The following GXYLT1 variants were observed in gnomAD, a reference collection of about 807,000 sequenced individuals.
GXYLT1 encodes glucoside xylosyltransferase 1.
Under a neutral mutation model 54.0 loss-of-function variants are expected in GXYLT1, and 29 were observed. The observed-to-expected ratio is 0.54, with a 90% CI of 0.40 to 0.73. GXYLT1 has a LOEUF of 0.73. GXYLT1 is among the 30% of genes least tolerant of loss of function. The pLI, the probability that GXYLT1 is intolerant of heterozygous loss-of-function variation, is 0.00. For missense variants in GXYLT1, 490 were observed against 553.4 expected, an observed-to-expected ratio of 0.89 and a Z score of 1.15; for synonymous variants, 176 against 204.1, an observed-to-expected ratio of 0.86 and a Z score of 1.17.
rs2065266012 is a variant in GXYLT1, at chr12:42,083,558, A to C, written c.*4228T>G. The C allele has an allele frequency of 6.6e-6, 1 of 152,262 alleles. No homozygotes were observed. The allele number at this position is 152,262 out of a possible 1,614,324, so 9.4% of individuals were successfully genotyped here. On this transcript the variant is annotated 3_prime_UTR_variant, in exon 8 of 8. Transcript: ENST00000398675. ...TCAGTGGTCTTTCTAAAAACATCTC[A>C]AAGAGGTTCTGACTACTACTAAGGT...
At chr12:42,096,802 A>G (rs769220545) in intron 7 of GXYLT1, among the ~76,000 whole-genome samples, 1 of 152,160 alleles carries the variant, frequency 6.6e-6, no homozygotes, top group African/African-American at 2.4e-5. Flanking sequence ...AAAATAAATG[A>G]CATTTTGACT....
At position 42,144,631 on chromosome 12, in the gene GXYLT1, G is replaced by A. The variant is rs779615789; in HGVS notation, c.16C>T (p.Arg6Cys). 4 of 1,464,698 alleles carry A rather than the reference G, an allele frequency of 2.7e-6. No homozygotes were observed. Among genetic ancestry groups the A allele is most frequent in the African/African-American group, 1.5e-5 (1 of 68,736 alleles). The allele number at this position is 1,464,698 out of a possible 1,614,324, so 90.7% of individuals were successfully genotyped here. The change falls in exon 1 of 8, where the codon CGC becomes TGC. Residue 6 changes from arginine (R) to cysteine (C), a missense_variant. By Grantham distance (180) the Arg-to-Cys change is radical. This residue lies in a region of GXYLT1 where 148 missense variants were observed against 210.7 expected (regional missense o/e 0.70). Transcript: ENST00000398675. The stretch of plus-strand genomic sequence containing the variant: ...CAGGCCACACACAGCACCACGACGC[G>A]CAGGTAGCGCCGCATCGCCCCGGCC... MRRYL[R>C]VVVLCVACGF...
chr12:42,113,885 C>T (rs560214326), intron 3 of GXYLT1, among the ~76,000 whole-genome samples: 14 of 151,336 alleles, frequency 9.3e-5, no homozygotes, highest in Middle Eastern at 3.4e-3. Flanking sequence ...GGAAGTAAAG[C>T]ATTCCTCAGC....
At chr12:42,140,519 A>C (rs1450754366) in intron 1 of GXYLT1, among the ~76,000 whole-genome samples, 1 of 152,194 alleles carries the variant, frequency 6.6e-6, no homozygotes, top group Admixed American at 6.5e-5. Context: ...AATTCTCACA[A>C]ACAATATCAT....
chr12:42,114,835 A>T (rs2065482978), intron 3 of GXYLT1, among the ~76,000 whole-genome samples: 1 of 152,160 alleles, frequency 6.6e-6, no homozygotes, highest in Non-Finnish European at 1.5e-5. Flanking sequence ...CAAAAAAGAG[A>T]ATTTTAGACC....
At chr12:42,091,686 T>G (rs1312387589) in intron 7 of GXYLT1, among the ~76,000 whole-genome samples, 1 of 152,250 alleles carries the variant, frequency 6.6e-6, no homozygotes, top group Non-Finnish European at 1.5e-5. Context: ...AAGCTGTATC[T>G]GTCAAGTTTA....
chr12:42,116,672 T>G (rs1189015817), intron 3 of GXYLT1, among the ~76,000 whole-genome samples: 1 of 152,236 alleles, frequency 6.6e-6, no homozygotes, highest in East Asian at 1.9e-4. Context: ...ACTTTGACAC[T>G]GTTGGTGGGA....
chr12:42,141,398 T>C (rs991538774), intron 1 of GXYLT1, among the ~76,000 whole-genome samples: 1 of 152,232 alleles, frequency 6.6e-6, no homozygotes, highest in East Asian at 1.9e-4. Context: ...TTGCTTGAGA[T>C]AGTTTTACTG....
At chr12:42,119,280 C>T in intron 2 of GXYLT1, 109 bp from the exon 3 acceptor site, 1 of 837,866 alleles carries the variant, frequency 1.2e-6, no homozygotes, top group East Asian at 2.5e-5. Context: ...GTGACTCATG[C>T]CTGCAGTCCC....
At chr12:42,100,864 C>T (rs974007218) in intron 5 of GXYLT1, among the ~76,000 whole-genome samples, 1 of 151,930 alleles carries the variant, frequency 6.6e-6, no homozygotes, top group Non-Finnish European at 1.5e-5. Flanking sequence ...TTAAAGTCTT[C>T]ATGTGATTCT....
At chr12:42,140,958 TG>T (rs1322108608) in intron 1 of GXYLT1, among the ~76,000 whole-genome samples, 1 of 152,234 alleles carries the variant, frequency 6.6e-6, no homozygotes, top group Non-Finnish European at 1.5e-5. Context: ...TAATAACTAC[TG>T]CTTTCTGTCA....
intron 5 of GXYLT1, among the ~76,000 whole-genome samples, chr12:42,103,880 GA>G (rs545509553): frequency 2.0e-5 from 3 of 147,238 alleles, no homozygotes; most frequent in Non-Finnish European, 4.5e-5. Context: ...ACATGTCACA[GA>G]AAAAAAAAGA....
At chr12:42,123,456 T>C (rs1014838118) in intron 2 of GXYLT1, among the ~76,000 whole-genome samples, 2 of 152,152 alleles carry the variant, frequency 1.3e-5, no homozygotes, top group Non-Finnish European at 2.9e-5. Context: ...CTTGTAACCT[T>C]TGCATATTTG....
chr12:42,125,989 T>C (rs942469138), intron 2 of GXYLT1, among the ~76,000 whole-genome samples: 25 of 151,822 alleles, frequency 1.6e-4, no homozygotes, highest in African/African-American at 5.8e-4. Context: ...GTGGTGCTAC[T>C]GCACGCCAGC....
chr12:42,141,266 C>T (rs903380124), intron 1 of GXYLT1, among the ~76,000 whole-genome samples: 1 of 152,154 alleles, frequency 6.6e-6, no homozygotes, highest in African/African-American at 2.4e-5. Flanking sequence ...AACAGAAAAA[C>T]CCCATGAACA....
In GXYLT1 at chr12:42,105,940, G is replaced by A. The variant is rs759834494; in HGVS notation, c.742C>T (p.His248Tyr). 1.5e-5 allele frequency: 25 copies of A among 1,613,972 alleles called. No homozygotes were observed. Among genetic ancestry groups the A allele is most frequent in the Non-Finnish European group, 2.1e-5 (25 of 1,179,968 alleles). The part of the protein sequence containing the change: ...STQIAAMAPE[H>Y]EEPRIGWYNR... Reference sequence around the variant, plus strand: ...TACCATCCTATTCGAGGTTCCTCATGTTCTGGTGCCATTGCAGCAATTTGT... The same window carrying A: ...TACCATCCTATTCGAGGTTCCTCATATTCTGGTGCCATTGCAGCAATTTGT... The change falls in exon 5 of 8, where the codon CAT becomes TAT. Residue 248 changes from histidine (H) to tyrosine (Y), a missense_variant. By Grantham distance (83) the His-to-Tyr change is moderately conservative. Around this residue, in one of 2 missense-constraint regions of GXYLT1, gnomAD observed 342 missense variants for 342.6 expected, o/e 1.00. Coordinates refer to ENST00000398675, the MANE Select transcript of GXYLT1 (RefSeq NM_173601.2).
At chr12:42,098,760 C>CATATATATATATATATATATATATAT (rs60199719) in intron 5 of GXYLT1, among the ~76,000 whole-genome samples, 1,304 of 96,356 alleles carry the variant, frequency 0.014, 44 homozygotes, top group Non-Finnish European at 0.018. Context: ...AAATTTAAAA[C>CATATATATATATATATATATATATAT]ATATATATAT....
At chr12:42,112,477 G>C (rs1219800057) in intron 3 of GXYLT1, among the ~76,000 whole-genome samples, 2 of 152,192 alleles carry the variant, frequency 1.3e-5, no homozygotes, top group African/African-American at 4.8e-5. Flanking sequence ...ACCAAGGCAT[G>C]AGAGCTATGT....
chr12:42,116,150 C>T (rs367573522), intron 3 of GXYLT1, among the ~76,000 whole-genome samples: 1 of 151,754 alleles, frequency 6.6e-6, no homozygotes, highest in Non-Finnish European at 1.5e-5. Context: ...TAAAGACTTA[C>T]ATGTTAGACC....
Sources: allele counts gnomAD v4.1 joint callset (sites outside exome capture counted in the v4.1 genomes callset), GRCh38; gene constraint gnomAD v4.1.1; regional missense constraint gnomAD v4.1.1; transcripts MANE v1.5; gene names NCBI Gene and HGNC (gene_info 2026-07-23, HGNC 2026-07-21).